FOXN3: variants seen among roughly 807,000 people sequenced by gnomAD.
FOXN3 encodes the protein forkhead box N3.
Under a neutral mutation model 38.4 loss-of-function variants are expected in FOXN3, and 7 were observed. That is an observed-to-expected ratio of 0.18 (90% CI 0.10 to 0.34). The LOEUF (loss-of-function observed/expected upper bound fraction) is 0.34, where lower values mean the gene tolerates loss of function less well. FOXN3 is among the 10% of genes least tolerant of loss of function. The pLI is 1.00. For missense variants in FOXN3, 456 were observed against 613.4 expected, an observed-to-expected ratio of 0.74 and a Z score of 2.71; for synonymous variants, 230 against 242.2, an observed-to-expected ratio of 0.95 and a Z score of 0.47.
At chr14:89,207,015 C>T (rs549890677) in intron 4 of FOXN3, among the ~76,000 whole-genome samples, 1 of 152,008 alleles carries the variant, frequency 6.6e-6, no homozygotes, top group African/African-American at 2.4e-5. Context: ...ACAATAAGAA[C>T]AACAATAGTA....
intron 1 of FOXN3, among the ~76,000 whole-genome samples, chr14:89,575,239 G>C (rs564499795): frequency 1.4e-4 from 22 of 152,304 alleles, no homozygotes; most frequent in African/African-American, 5.1e-4. Flanking sequence ...GAAGATCATA[G>C]TTAAGATCAC....
intron 1 of FOXN3, among the ~76,000 whole-genome samples, chr14:89,431,994 C>A (rs1044952419): frequency 1.3e-5 from 2 of 152,226 alleles, no homozygotes; most frequent in African/African-American, 2.4e-5. Context: ...GGATTACAGG[C>A]GTGAGCCACC....
At chr14:89,337,182 T>C (rs896775484) in intron 3 of FOXN3, among the ~76,000 whole-genome samples, 1 of 152,162 alleles carries the variant, frequency 6.6e-6, no homozygotes, top group East Asian at 1.9e-4. Context: ...ACAGATTTGG[T>C]AGTACAAAGA....
At chr14:89,426,342 C>T (rs1892028050) in intron 1 of FOXN3, among the ~76,000 whole-genome samples, 1 of 150,964 alleles carries the variant, frequency 6.6e-6, no homozygotes, top group African/African-American at 2.4e-5. Context: ...ATCCCTGCCT[C>T]AGCCTCCTGA....
At chr14:89,304,577 T>A (rs559270681) in intron 3 of FOXN3, among the ~76,000 whole-genome samples, 3 of 152,248 alleles carry the variant, frequency 2.0e-5, no homozygotes, top group African/African-American at 7.2e-5. Flanking sequence ...ATGAAATACA[T>A]TCAACATCTT....
chr14:89,508,984 G>A (rs1894002972), intron 1 of FOXN3, among the ~76,000 whole-genome samples: 1 of 152,084 alleles, frequency 6.6e-6, no homozygotes, highest in African/African-American at 2.4e-5. Context: ...TCACCTCCCT[G>A]GACACCCTCC....
In FOXN3 at chr14:89,180,710, G is replaced by T; in HGVS notation, c.842C>A (p.Ala281Glu). 1 of 1,606,752 alleles carries T rather than the reference G, an allele frequency of 6.2e-7. No individual in the cohort carries two copies. The highest frequency in any genetic ancestry group is 8.5e-7 in the Non-Finnish European group (1 of 1,176,298). Reference sequence around the variant, plus strand: ...CGCACTCCCCACTTACCTCATGGCCGCTGTCACCCCAATGGGAGTGATTGG... The same window carrying T: ...CGCACTCCCCACTTACCTCATGGCCTCTGTCACCCCAATGGGAGTGATTGG... ...PLPITPIGVTAAMRNGITSCR... is the reference protein window; with the variant it reads ...PLPITPIGVTEAMRNGITSCR... Residue 281 changes from alanine to glutamate, a missense_variant, in exon 5 of 6, where the codon GCG (alanine) becomes GAG (glutamate). Around this residue, in one of 3 missense-constraint regions of FOXN3, gnomAD observed 386 missense variants for 505.2 expected, o/e 0.76. Coordinates refer to ENST00000557258, the MANE Select transcript of FOXN3 (RefSeq NM_005197.4).
At chr14:89,303,929 A>G (rs1202868337) in intron 3 of FOXN3, among the ~76,000 whole-genome samples, 1 of 152,176 alleles carries the variant, frequency 6.6e-6, no homozygotes, top group East Asian at 1.9e-4. Context: ...GACGCCTTGT[A>G]ACTTTGAAGA....
chr14:89,480,218 C>T (rs1330528257), intron 1 of FOXN3, among the ~76,000 whole-genome samples: 2 of 152,096 alleles, frequency 1.3e-5, no homozygotes, highest in East Asian at 3.9e-4. Flanking sequence ...CTGGCTAACA[C>T]GGTGAAACCC....
At chr14:89,325,177 T>C (rs1407253786) in intron 3 of FOXN3, among the ~76,000 whole-genome samples, 1 of 151,160 alleles carries the variant, frequency 6.6e-6, no homozygotes, top group Non-Finnish European at 1.5e-5. Flanking sequence ...TATGCTATTC[T>C]TCGGGCTCCT....
At chr14:89,514,732 T>C (rs1429850328) in intron 1 of FOXN3, among the ~76,000 whole-genome samples, 1 of 152,216 alleles carries the variant, frequency 6.6e-6, no homozygotes, top group Non-Finnish European at 1.5e-5. Context: ...AGGAATTTTA[T>C]AGTCCTCACT....
At chr14:89,348,294 G>A (rs1276530617) in intron 3 of FOXN3, among the ~76,000 whole-genome samples, 1 of 152,024 alleles carries the variant, frequency 6.6e-6, no homozygotes, top group Admixed American at 6.6e-5. Context: ...CGTCAATTCG[G>A]CATTTTGGGG....
intron 4 of FOXN3, among the ~76,000 whole-genome samples, chr14:89,252,760 G>A (rs1330959963): frequency 2.0e-5 from 3 of 151,890 alleles, no homozygotes; most frequent in Non-Finnish European, 4.4e-5. Flanking sequence ...CCTATTCCTC[G>A]ATTTTATATG....
chr14:89,422,322 G>C (rs1891931408), intron 1 of FOXN3, among the ~76,000 whole-genome samples: 1 of 152,234 alleles, frequency 6.6e-6, no homozygotes, highest in African/African-American at 2.4e-5. Flanking sequence ...GGAGGTGTGG[G>C]CTGGGCTTGA....
At chr14:89,335,123 A>ACACACACAC (rs1888409775) in intron 3 of FOXN3, among the ~76,000 whole-genome samples, 3 of 149,400 alleles carry the variant, frequency 2.0e-5, no homozygotes, top group African/African-American at 2.5e-5. Context: ...ACACACACAC[A>ACACACACAC]AATGGTAACT....
In FOXN3 at chr14:89,599,574, T is replaced by A. The variant is rs1046751573; in HGVS notation, c.-15+19454A>T. ...TTTGTTTATTTTTTATTGTTTTTTT[T>A]AATCATATCTGGTCTTCTCATGTGA... On this transcript the variant is annotated intron_variant, in intron 1 of 6. Transcript: ENST00000345097. Among the ~76,000 whole-genome samples, 14 of 152,066 alleles carry A rather than the reference T, an allele frequency of 9.2e-5. No homozygotes were observed. The East Asian group carries it at 9.6e-4, about 10-fold the overall frequency.
At chr14:89,190,260 C>CTA in intron 4 of FOXN3, 1 of 690,582 alleles carries the variant, frequency 1.4e-6, no homozygotes, top group South Asian at 2.0e-5. Flanking sequence ...ACTTATGTAG[C>CTA]TTTTAAAGTG....
intron 3 of FOXN3, among the ~76,000 whole-genome samples, chr14:89,286,559 C>T (rs1222196759): frequency 6.6e-6 from 1 of 152,188 alleles, no homozygotes; most frequent in African/African-American, 2.4e-5. Flanking sequence ...ACATCTACCA[C>T]CAGACTGCAA....
chr14:89,611,074 C>A (rs950656976), intron 1 of FOXN3, among the ~76,000 whole-genome samples: 6 of 152,220 alleles, frequency 3.9e-5, no homozygotes, highest in Middle Eastern at 3.4e-3. Flanking sequence ...CAGTGGCATG[C>A]CCAGTGATGA....
Sources: allele counts gnomAD v4.1 joint callset (sites outside exome capture counted in the v4.1 genomes callset), GRCh38; gene constraint gnomAD v4.1.1; regional missense constraint gnomAD v4.1.1; transcripts MANE v1.5; gene names NCBI Gene and HGNC (gene_info 2026-07-23, HGNC 2026-07-21).